Variants in MYO10 observed in about 807,000 individuals in gnomAD.
MYO10 encodes myosin X, also known as unconventional myosin-X.
A neutral mutation model predicts 257.3 loss-of-function variants in MYO10; 133 were observed. That is an observed-to-expected ratio of 0.52 (90% CI 0.45 to 0.60). The LOEUF (loss-of-function observed/expected upper bound fraction) is 0.60, where lower values mean the gene tolerates loss of function less well. Among genes scored for constraint, MYO10 ranks in the 20% least tolerant of loss-of-function variants. The pLI is 0.00. For missense variants in MYO10, 2,399 were observed against 2,635.7 expected, an observed-to-expected ratio of 0.91 and a Z score of 1.97; for synonymous variants, 1,104 against 1,028.6, an observed-to-expected ratio of 1.07 and a Z score of -1.40.
At chr5:16,902,501 G>A (rs746046883) in intron 1 of MYO10, 64 of 1,556,544 alleles carry the variant, frequency 4.1e-5, no homozygotes, top group Non-Finnish European at 5.2e-5. Flanking sequence ...TGACTGCTGC[G>A]GCCTCCACTA....
intron 8 of MYO10, 75 bp downstream of exon 8, chr5:16,780,449 T>C (rs1741389698): frequency 7.8e-7 from 1 of 1,276,988 alleles, no homozygotes; most frequent in Admixed American, 2.0e-5. Flanking sequence ...AAACAGATGT[T>C]CTCTCATTTA....
intron 28 of MYO10, among the ~76,000 whole-genome samples, chr5:16,686,468 C>T (rs1425742769): frequency 3.3e-5 from 5 of 151,940 alleles, no homozygotes; most frequent in African/African-American, 1.2e-4. Context: ...ACTTCCAGTC[C>T]CAAGCATTTT....
intron 21 of MYO10, among the ~76,000 whole-genome samples, chr5:16,705,442 C>CTA (rs1738286368): frequency 6.6e-6 from 1 of 152,130 alleles, no homozygotes; most frequent in South Asian, 2.1e-4. Context: ...ATTAGAATTC[C>CTA]TAGTTTTTGA....
Position 16,683,997 on chromosome 5 carries a change from T to C in MYO10, c.3991-62A>G, listed in dbSNP as rs1012351951. On this transcript the variant is annotated intron_variant, in intron 29 of 40. Coordinates refer to ENST00000513610, the MANE Select transcript of MYO10 (RefSeq NM_012334.3). ...CACTAAAGTAGGGTGCACACTACAG[T>C]AATACCTCTAGCCCACAACTCCCAA... is the stretch of plus-strand genomic sequence containing the variant. The C allele has an allele frequency of 5.5e-6, 8 of 1,465,572 alleles. No homozygotes were observed. In the African/African-American group the frequency reaches 1.1e-4, roughly 20 times the overall value. 90.8% of individuals were successfully genotyped at this position (1,465,572 alleles called of 1,614,324 possible).
At chr5:16,916,199 A>C in intron 1 of MYO10, 1 of 451,226 alleles carries the variant, frequency 2.2e-6, no homozygotes, top group Non-Finnish European at 4.5e-6. Flanking sequence ...GGGTCAGCTA[A>C]TGCTCAGCAA....
chr5:16,777,839 C>CTTTTTTTTTTTTTTTT (rs61326508), intron 9 of MYO10, among the ~76,000 whole-genome samples: 9 of 88,476 alleles, frequency 1.0e-4, no homozygotes, highest in African/African-American at 3.8e-4. Flanking sequence ...TTGCATCTAA[C>CTTTTTTTTTTTTTTTT]TTTTTTTTTT....
rs370406954 is a variant in MYO10 at position 16,681,369 on chromosome 5, G to A, written c.4324C>T (p.Leu1442=). The part of the protein sequence containing the change: ...SEKNALKLGT[L]VLNSLCSVVP... ...ACAGAGCAGAGGCTGTTGAGGACCA[G>A]GGTCCCCAGTTTGAGCGCGTTCTTC... The change falls in exon 32 of 41, where the codon CTG becomes TTG. Residue 1442 remains leucine, a synonymous_variant. Coordinates refer to ENST00000513610, the MANE Select transcript of MYO10 (RefSeq NM_012334.3). 76 of 1,613,904 alleles carry A rather than the reference G, an allele frequency of 4.7e-5. No individual in the cohort carries two copies. The highest frequency in any genetic ancestry group is 6.3e-5 in the Non-Finnish European group (74 of 1,179,898).
chr5:16,771,216 C>T (rs1226818041), intron 9 of MYO10, among the ~76,000 whole-genome samples: 1 of 151,934 alleles, frequency 6.6e-6, no homozygotes, highest in Non-Finnish European at 1.5e-5. Context: ...TTTTTTCCTT[C>T]CTAGAAATCG....
intron 1 of MYO10, among the ~76,000 whole-genome samples, chr5:16,885,793 G>A (rs1327311956): frequency 6.6e-6 from 1 of 152,122 alleles, no homozygotes; most frequent in Non-Finnish European, 1.5e-5. Flanking sequence ...ACTGTGAGCT[G>A]GGGCACAACC....
At chr5:16,719,985 CGTGCGTGTGTGT>C (rs1561208122) in intron 19 of MYO10, among the ~76,000 whole-genome samples, 1 of 83,866 alleles carries the variant, frequency 1.2e-5, no homozygotes, top group African/African-American at 6.0e-5. Flanking sequence ...AATGTGTGTG[CGTGCGTGTGTGT>C]GTGTGTGTGT....
chr5:16,861,169 G>A (rs542499752), intron 2 of MYO10, among the ~76,000 whole-genome samples: 6 of 151,964 alleles, frequency 3.9e-5, no homozygotes, highest in East Asian at 1.9e-4. Flanking sequence ...TGTCAAGGGC[G>A]CAGCGTGGAA....
chr5:16,716,487 T>G (rs1196910448), intron 19 of MYO10, among the ~76,000 whole-genome samples: 1 of 87,596 alleles, frequency 1.1e-5, no homozygotes, highest in Non-Finnish European at 2.4e-5. Flanking sequence ...CATAATTTCA[T>G]GAACAGTGCA....
Position 16,762,572 on chromosome 5 carries a change from T to C in MYO10, c.1560A>G (p.Leu520=), listed in dbSNP as rs1432269726. 1 of 1,610,118 alleles carries C rather than the reference T, an allele frequency of 6.2e-7. No individual in the cohort carries two copies. The change falls in exon 15 of 41, where the codon TTA becomes TTG. Residue 520 remains leucine (L), a synonymous_variant. Coordinates refer to ENST00000513610, the MANE Select transcript of MYO10 (RefSeq NM_012334.3). ...CATGCTGACTGTGTAGCTTCTCCAATAAGGTGCTGTCTGTGGCTTGAGGAA... is the reference window on the plus strand; with the variant it reads ...CATGCTGACTGTGTAGCTTCTCCAACAAGGTGCTGTCTGTGGCTTGAGGAA... The part of the protein sequence containing the change: ...SHFPQATDST[L]LEKLHSQHAN...
At chr5:16,928,428 A>C (rs997235211) in intron 1 of MYO10, among the ~76,000 whole-genome samples, 1 of 152,124 alleles carries the variant, frequency 6.6e-6, no homozygotes. Context: ...TCCTGACCTC[A>C]GGTATCCACC....
intron 15 of MYO10, 31 bp downstream of exon 15, chr5:16,762,514 A>G (rs2126650667): frequency 2.0e-6 from 3 of 1,524,610 alleles, no homozygotes; most frequent in African/African-American, 1.4e-5. Context: ...TGCTACTCCA[A>G]TGTGATGAAG....
intron 2 of MYO10, among the ~76,000 whole-genome samples, chr5:16,871,220 C>A (rs1352497130): frequency 6.6e-6 from 1 of 152,170 alleles, no homozygotes; most frequent in African/African-American, 2.4e-5. Context: ...TCTTAACATA[C>A]CAAGCTGGGT....
At chr5:16,673,621 G>C in intron 36 of MYO10, 61 bp downstream of exon 36, 2 of 1,530,300 alleles carry the variant, frequency 1.3e-6, no homozygotes, top group Non-Finnish European at 1.8e-6. Context: ...CAATGTTCCT[G>C]ACGCAGGTGT....
At chr5:16,829,037 C>A (rs1360778882) in intron 2 of MYO10, among the ~76,000 whole-genome samples, 17 of 152,114 alleles carry the variant, frequency 1.1e-4, no homozygotes, top group African/African-American at 4.1e-4. Flanking sequence ...AGTTTACAGT[C>A]CACTGAGGGT....
chr5:16,928,087 C>G (rs752592012), intron 1 of MYO10, among the ~76,000 whole-genome samples: 12 of 152,202 alleles, frequency 7.9e-5, no homozygotes, highest in Non-Finnish European at 1.6e-4. Flanking sequence ...TCAAGTAACA[C>G]TTCACTAATT....
Sources: gnomAD v4.1 joint callset for allele counts (sites outside exome capture counted in the v4.1 genomes callset) on GRCh38, gnomAD v4.1.1 for gene constraint, MANE v1.5 for transcripts, NCBI Gene and HGNC (gene_info 2026-07-23, HGNC 2026-07-21) for gene names.